Variants in FAM149A observed in about 807,000 individuals in gnomAD.
FAM149A encodes protein FAM149A.
In FAM149A, 71 loss-of-function variants were observed where a neutral mutation model predicts 78.2. The observed-to-expected ratio is 0.91, with a 90% CI of 0.75 to 1.11. The LOEUF (loss-of-function observed/expected upper bound fraction) is 1.11, where lower values mean the gene tolerates loss of function less well. Ranked by LOEUF, FAM149A falls within the 50% of genes least tolerant of loss-of-function variation. The pLI, the probability that FAM149A is intolerant of heterozygous loss-of-function variation, is 0.00. For missense variants in FAM149A, 1,036 were observed against 971.0 expected (o/e 1.07, Z -0.89); for synonymous variants, 446 against 410.5 (o/e 1.09, Z -1.04).
Position 186,105,429 on chromosome 4 carries a change from G to A in FAM149A, c.353G>A (p.Cys118Tyr). ...CCCCCCACTCCCTCCGGCGGGGGCT[G>A]CTCCCCTGCTCGCCTGGTGGTCCCA... The change falls in exon 1 of 14, where the codon TGC (cysteine) becomes TAC (tyrosine). Residue 118 changes from cysteine (C) to tyrosine (Y), a missense_variant. Cys to Tyr is a radical substitution (Grantham distance 194, BLOSUM62 -2). This residue lies in a region of FAM149A where 316 missense variants were observed against 241.9 expected (regional missense o/e 1.31). Coordinates refer to ENST00000389354, the MANE Select transcript of FAM149A (RefSeq NM_001367768.3). 8.3e-7 allele frequency: 1 copy of A among 1,206,204 alleles called. No homozygotes were observed. The highest frequency in any genetic ancestry group is 1.0e-6 in the Non-Finnish European group (1 of 954,452). The allele number at this position is 1,206,204 out of a possible 1,614,324, so 74.7% of individuals were successfully genotyped here. A position where few individuals can be genotyped will look rare whatever the true frequency, so the allele number is the denominator to read the frequency against.
intron 3 of FAM149A, among the ~76,000 whole-genome samples, chr4:186,150,698 C>T (rs1291096510): frequency 4.2e-5 from 6 of 143,482 alleles, no homozygotes; most frequent in African/African-American, 1.6e-4. Flanking sequence ...GGATTACAGG[C>T]GTGAGCCACC....
intron 1 of FAM149A, among the ~76,000 whole-genome samples, chr4:186,136,652 T>A (rs1358162056): frequency 2.0e-5 from 3 of 152,228 alleles, no homozygotes; most frequent in Non-Finnish European, 2.9e-5. Context: ...CTAAGTATTT[T>A]TCATCCTTTT....
intron 3 of FAM149A, among the ~76,000 whole-genome samples, chr4:186,150,451 G>A (rs538980709): frequency 1.8e-4 from 18 of 100,454 alleles, no homozygotes; most frequent in African/African-American, 3.1e-4. Context: ...ACGGAGTCTC[G>A]CTCTGTCGCC....
At position 186,167,236 on chromosome 4, in the gene FAM149A, C is replaced by T. The variant is rs747057140; in HGVS notation, c.2192C>T (p.Thr731Ile). Residue 731 changes from threonine to isoleucine, a missense_variant, in exon 13 of 14, where the codon ACA becomes ATA. Transcript: ENST00000389354. ...ACACAAATGGAATTTGCTGCTCACA[C>T]ATGGACAGGTCAAAGTATTTTGACA... 72 of 1,613,184 alleles carry T rather than the reference C, an allele frequency of 4.5e-5. No homozygotes were observed. In the East Asian group the frequency reaches 1.6e-3, roughly 35 times the overall value.
intron 1 of FAM149A, chr4:186,125,550 C>A: frequency 2.8e-6 from 1 of 355,944 alleles, no homozygotes; most frequent in Non-Finnish European, 3.9e-6. Flanking sequence ...GCAGGGATGT[C>A]AATGCAGTGA....
At chr4:186,125,864 T>C (rs1002887890) in intron 1 of FAM149A, 7 of 985,242 alleles carry the variant, frequency 7.1e-6, no homozygotes, top group African/African-American at 1.7e-5. Context: ...AGAAGCAACG[T>C]AGAGGAGTGG....
chr4:186,151,795 T>A, intron 3 of FAM149A, 108 bp from the exon 4 acceptor site: 4 of 1,482,226 alleles, frequency 2.7e-6, no homozygotes, highest in Non-Finnish European at 2.7e-6. Flanking sequence ...TACCAAGTGA[T>A]GCACCCTCCT....
chr4:186,167,135 C>T (rs553135910), intron 12 of FAM149A, 39 bp downstream of exon 12: 1 of 1,601,686 alleles, frequency 6.2e-7, no homozygotes, highest in African/African-American at 1.3e-5. Flanking sequence ...TTTTGAAAAA[C>T]ATTTGAAAAA....
intron 1 of FAM149A, among the ~76,000 whole-genome samples, chr4:186,119,297 CTATT>C (rs1232497993): frequency 6.6e-6 from 1 of 152,158 alleles, no homozygotes; most frequent in African/African-American, 2.4e-5. Context: ...TGGATAAATA[CTATT>C]TATTATGTAT....
At chr4:186,120,575 C>G (rs547343029) in intron 1 of FAM149A, among the ~76,000 whole-genome samples, 1 of 151,712 alleles carries the variant, frequency 6.6e-6, no homozygotes, top group African/African-American at 2.4e-5. Context: ...AGGTGGATCA[C>G]GAGATTAGGA....
intron 1 of FAM149A, among the ~76,000 whole-genome samples, chr4:186,120,581 TAGG>T (rs1289419011): frequency 1.1e-4 from 16 of 151,428 alleles, no homozygotes; most frequent in African/African-American, 3.9e-4. Flanking sequence ...ATCACGAGAT[TAGG>T]AGTTTGAGAC....
chr4:186,151,508 T>C (rs947351303), intron 3 of FAM149A, among the ~76,000 whole-genome samples: 1 of 152,164 alleles, frequency 6.6e-6, no homozygotes, highest in African/African-American at 2.4e-5. Flanking sequence ...ATTTTGCAGG[T>C]GTGCTTAGGT....
intron 1 of FAM149A, among the ~76,000 whole-genome samples, chr4:186,145,525 A>C (rs1412788346): frequency 6.6e-6 from 1 of 152,230 alleles, no homozygotes; most frequent in Non-Finnish European, 1.5e-5. Context: ...AATTTCTACA[A>C]AGCAGTGTGG....
At chr4:186,150,365 G>GTTGTTTTT (rs1733388894) in intron 3 of FAM149A, among the ~76,000 whole-genome samples, 1 of 140,138 alleles carries the variant, frequency 7.1e-6, no homozygotes, top group Non-Finnish European at 1.5e-5. Flanking sequence ...GTGTTTTGTT[G>GTTGTTTTT]TTGTTGTTGT....
At chr4:186,117,747 C>T in intron 1 of FAM149A, 1 of 880,512 alleles carries the variant, frequency 1.1e-6, no homozygotes, top group Non-Finnish European at 1.4e-6. Context: ...CAGGAGCAGG[C>T]TGCACTTTAG....
Position 186,126,793 on chromosome 4 carries a change from T to A in FAM149A, c.566+21151T>A, listed in dbSNP as rs535278121. The stretch of plus-strand genomic sequence containing the variant: ...CGACTTCTTAGCCTCTGTGATTGCG[T>A]GAGCCTGTTCCCCTAATAAATCTCC... On this transcript the variant is annotated intron_variant, in intron 1 of 13. Coordinates refer to ENST00000389354, the MANE Select transcript of FAM149A (RefSeq NM_001367768.3). 1.1e-5 allele frequency: 8 copies of A among 761,600 alleles called. No homozygotes were observed. The East Asian group carries it at 6.5e-4, about 62-fold the overall frequency. The allele number at this position is 761,600 out of a possible 1,614,324, so 47.2% of individuals were successfully genotyped here. A position where few individuals can be genotyped will look rare whatever the true frequency, so the allele number is the denominator to read the frequency against.
chr4:186,148,649 C>T (rs1329326423), intron 1 of FAM149A, among the ~76,000 whole-genome samples: 1 of 152,202 alleles, frequency 6.6e-6, no homozygotes, highest in African/African-American at 2.4e-5. Flanking sequence ...CTCTTGAAAA[C>T]TCAGTATACC....
Position 186,152,059 on chromosome 4 carries a change from G to A in FAM149A, c.932+14G>A. On this transcript the variant is annotated intron_variant, in intron 4 of 13. Transcript: ENST00000389354. ...CCTCCATTTGAGGTGGGACCTTGGTGGTGGAAGTTCTCTGGGGTGGGTTTT... is the reference window on the plus strand; with the variant it reads ...CCTCCATTTGAGGTGGGACCTTGGTAGTGGAAGTTCTCTGGGGTGGGTTTT... 1.9e-6 allele frequency: 3 copies of A among 1,613,032 alleles called. No individual in the cohort carries two copies. The highest frequency in any genetic ancestry group is 2.5e-6 in the Non-Finnish European group (3 of 1,179,884).
rs2099308178 is a variant in FAM149A at position 186,104,954 on chromosome 4, G to A, written c.-123G>A. 3 of 1,169,582 alleles carry A rather than the reference G, an allele frequency of 2.6e-6. No individual in the cohort carries two copies. In the South Asian group the frequency reaches 4.8e-5, roughly 19 times the overall value. The allele number at this position is 1,169,582 out of a possible 1,614,324, so 72.5% of individuals were successfully genotyped here. Reference sequence around the variant, plus strand: ...GTCCTCGGGGAGGAGAGGGAGCCAGGGGCCTCCGGGGCTCCGGGTGCGGGG... The same window carrying A: ...GTCCTCGGGGAGGAGAGGGAGCCAGAGGCCTCCGGGGCTCCGGGTGCGGGG... On this transcript the variant is annotated 5_prime_UTR_variant, in exon 1 of 14. Coordinates refer to ENST00000389354, the MANE Select transcript of FAM149A (RefSeq NM_001367768.3).
Sources: allele counts gnomAD v4.1 joint callset (sites outside exome capture counted in the v4.1 genomes callset), GRCh38; gene constraint gnomAD v4.1.1; regional missense constraint gnomAD v4.1.1; transcripts MANE v1.5; gene names NCBI Gene and HGNC (gene_info 2026-07-23, HGNC 2026-07-21).